Variants in DPF3 observed in about 807,000 individuals in gnomAD.
The protein encoded by DPF3 is double PHD fingers 3.
Under a neutral mutation model 56.8 loss-of-function variants are expected in DPF3, and 18 were observed. The observed-to-expected ratio is 0.32, with a 90% CI of 0.22 to 0.47. DPF3 has a LOEUF of 0.47. Ranked by LOEUF, DPF3 falls within the 20% of genes least tolerant of loss-of-function variation. The pLI, the probability that DPF3 is intolerant of heterozygous loss-of-function variation, is 1.00. For missense variants in DPF3, 403 were observed against 488.8 expected (o/e 0.82, Z 1.65); for synonymous variants, 188 against 180.2 (o/e 1.04, Z -0.35).
chr14:72,613,308 T>C lies in DPF3; in HGVS notation c.*5989A>G, dbSNP rs1355766546. ...GCGTTTATTTGCTAGACAGGGTTGG[T>C]GCCAGCCTACAGGGCCATTTTGCTC... On this transcript the variant is annotated 3_prime_UTR_variant, in exon 11 of 11. Coordinates refer to ENST00000556509, the MANE Select transcript of DPF3 (RefSeq NM_001280542.3). 6.6e-6 allele frequency among the ~76,000 whole-genome samples: 1 copy of C among 152,112 alleles called. No individual in the cohort carries two copies. The highest frequency in any genetic ancestry group is 1.5e-5 in the Non-Finnish European group (1 of 68,010).
chr14:72,731,845 CCTT>C lies in DPF3; in HGVS notation c.388_390del (p.Lys130del), dbSNP rs1889666180. On this transcript the variant is annotated inframe_deletion, in exon 4 of 11. Transcript: ENST00000556509. ...ATGCTTTCCTCCTCCCTGGCATCCACCTTCTTCTCAACCCCCTCGCCACGGAGC... is the reference window on the plus strand; with the variant it reads ...ATGCTTTCCTCCTCCCTGGCATCCACCTTCTCAACCCCCTCGCCACGGAGC... 2 of 1,613,226 alleles carry C rather than the reference CCTT, an allele frequency of 1.2e-6. No individual in the cohort carries two copies. Among genetic ancestry groups the C allele is most frequent in the South Asian group, 1.1e-5 (1 of 90,726 alleles).
In DPF3 at chr14:72,669,865, T is replaced by TG. The variant is rs200420930; in HGVS notation, c.871+4374dup. On this transcript the variant is annotated intron_variant, in intron 8 of 10. Coordinates refer to ENST00000556509, the MANE Select transcript of DPF3 (RefSeq NM_001280542.3). ...AACCCAGGAAAACAAAAAAGCAAGC[T>TG]GGGGGAAAAAGGAAAAAGAAAAAGA... 1,872 of 983,864 alleles carry TG rather than the reference T, an allele frequency of 1.9e-3. 33 individuals carry two copies. In the African/African-American group the frequency reaches 0.031, roughly 16 times the overall value. 60.9% of individuals were successfully genotyped at this position (983,864 alleles called of 1,614,324 possible).
rs537690634 is a variant in DPF3 at position 72,671,945 on chromosome 14, G to A, written c.871+2295C>T. On this transcript the variant is annotated intron_variant, in intron 8 of 10. Coordinates refer to ENST00000556509, the MANE Select transcript of DPF3 (RefSeq NM_001280542.3). ...AGGAAGTTGGAAAGTCTGATAAGTG[G>A]TAGGTGATAAAATAGTTTGTTTCCT... Among the ~76,000 whole-genome samples the A allele has an allele frequency of 3.3e-5, 5 of 152,116 alleles. No individual in the cohort carries two copies. The South Asian group carries it at 1.0e-3, about 32-fold the overall frequency.
chr14:72,701,459 A>AAT (rs1888157267), intron 6 of DPF3, among the ~76,000 whole-genome samples: 1 of 152,138 alleles, frequency 6.6e-6, no homozygotes, highest in African/African-American at 2.4e-5. Context: ...TCCTGTCTGG[A>AAT]GTTATGGATG....
intron 5 of DPF3, among the ~76,000 whole-genome samples, chr14:72,714,706 T>C (rs73300104): frequency 0.021 from 3,247 of 152,168 alleles, 120 homozygotes; most frequent in African/African-American, 0.074. Context: ...ATCACCTCAT[T>C]AAATGTTCAC....
chr14:72,825,638 C>T (rs565102504), intron 1 of DPF3, among the ~76,000 whole-genome samples: 2 of 152,320 alleles, frequency 1.3e-5, no homozygotes, highest in East Asian at 3.9e-4. Flanking sequence ...CTCAAGAAGG[C>T]CCCTGGGGAA....
intron 3 of DPF3, among the ~76,000 whole-genome samples, chr14:72,750,802 A>AC (rs989558704): frequency 6.6e-6 from 1 of 150,548 alleles, no homozygotes; most frequent in African/African-American, 2.4e-5. Context: ...AAAAAAAAAA[A>AC]AAAAAAAAAA....
In DPF3 at chr14:72,768,575, T is replaced by C. The variant is rs185178935; in HGVS notation, c.193+3158A>G. 1.1e-4 allele frequency among the ~76,000 whole-genome samples: 16 copies of C among 152,352 alleles called. 1 individual carries two copies. The East Asian group carries it at 2.9e-3, about 27-fold the overall frequency. ...GGATGAAGAAGATAGGGGATCTCTA[T>C]TATATTTGCAACTGCAAATTGCAAA... On this transcript the variant is annotated intron_variant, in intron 2 of 10. Transcript: ENST00000556509.
rs144993486 is a variant in DPF3, at chr14:72,855,375, TG to T, written c.32+38681del. Among the ~76,000 whole-genome samples, 598 of 152,354 alleles carry T rather than the reference TG, an allele frequency of 3.9e-3. 5 individuals carry two copies. The highest frequency in any genetic ancestry group is 0.026 in the East Asian group (133 of 5,188). On this transcript the variant is annotated intron_variant, in intron 1 of 10. Coordinates refer to ENST00000556509, the MANE Select transcript of DPF3 (RefSeq NM_001280542.3). ...ACATGTACCATCTCATCTGTATTCC[TG>T]GAGAGATAGTAGCCCATTATGAGTG...
At chr14:72,647,886 T>C (rs891432435) in intron 8 of DPF3, among the ~76,000 whole-genome samples, 5 of 152,232 alleles carry the variant, frequency 3.3e-5, no homozygotes, top group African/African-American at 1.2e-4. Flanking sequence ...ATCAATTCTT[T>C]AATCTCGCCA....
intron 1 of DPF3, among the ~76,000 whole-genome samples, chr14:72,786,551 T>A (rs1429725225): frequency 6.6e-6 from 1 of 152,252 alleles, no homozygotes; most frequent in African/African-American, 2.4e-5. Flanking sequence ...ACAGAGACCA[T>A]GTGGCCTGCA....
At chr14:72,628,675 AGAG>A (rs892013223) in intron 9 of DPF3, among the ~76,000 whole-genome samples, 10 of 152,004 alleles carry the variant, frequency 6.6e-5, no homozygotes, top group African/African-American at 2.4e-4. Context: ...AGAGTTGGTG[AGAG>A]GAGAGAGAGA....
intron 8 of DPF3, among the ~76,000 whole-genome samples, chr14:72,639,008 G>A (rs1052124461): frequency 1.3e-5 from 2 of 151,966 alleles, no homozygotes; most frequent in African/African-American, 4.8e-5. Context: ...TAGTAGAGAC[G>A]GGGTTTCACC....
intron 3 of DPF3, among the ~76,000 whole-genome samples, chr14:72,744,630 C>A (rs1382321319): frequency 6.6e-6 from 1 of 152,038 alleles, no homozygotes. Context: ...ACGTGCACCC[C>A]CCACTCTTTG....
chr14:72,728,421 G>A (rs1567213639), intron 4 of DPF3, among the ~76,000 whole-genome samples: 2 of 152,258 alleles, frequency 1.3e-5, no homozygotes, highest in East Asian at 3.9e-4. Context: ...ATGGCATGGA[G>A]GGAAGAAGGC....
At chr14:72,670,143 A>T (rs1938812206) in intron 8 of DPF3, 1 of 985,730 alleles carries the variant, frequency 1.0e-6, no homozygotes, top group Non-Finnish European at 1.2e-6. Context: ...TTGATCATCC[A>T]ATGGGTATTG....
chr14:72,741,511 C>T (rs1336732581), intron 3 of DPF3, among the ~76,000 whole-genome samples: 1 of 152,244 alleles, frequency 6.6e-6, no homozygotes, highest in African/African-American at 2.4e-5. Flanking sequence ...TTGGGCCCCC[C>T]AGGCCAGGCT....
chr14:72,651,447 A>G (rs1393253845), intron 8 of DPF3, among the ~76,000 whole-genome samples: 1 of 152,258 alleles, frequency 6.6e-6, no homozygotes, highest in Non-Finnish European at 1.5e-5. Context: ...CAAAAGGGAC[A>G]GCTCCAAAGG....
chr14:72,753,438 C>T (rs1890662936), intron 2 of DPF3, 67 bp from the exon 3 acceptor site: 1 of 1,284,210 alleles, frequency 7.8e-7, no homozygotes, highest in Admixed American at 2.5e-5. Context: ...ACTACCCTGA[C>T]TAACCCCGTC....
Sources: allele counts gnomAD v4.1 joint callset (sites outside exome capture counted in the v4.1 genomes callset), GRCh38; gene constraint gnomAD v4.1.1; transcripts MANE v1.5; gene names NCBI Gene and HGNC (gene_info 2026-07-23, HGNC 2026-07-21).